TMCO4: variants seen among roughly 807,000 people sequenced by gnomAD.
TMCO4 encodes the protein transmembrane and coiled-coil domain-containing protein 4.
A neutral mutation model predicts 64.7 loss-of-function variants in TMCO4; 58 were observed. That is an observed-to-expected ratio of 0.90 (90% confidence interval 0.73 to 1.12). The LOEUF is 1.12. TMCO4 is among the 50% of genes most tolerant of loss of function. The probability of loss-of-function intolerance (pLI) is 0.00; values close to 1 mark genes in which losing one functional copy is unlikely to be tolerated. For synonymous variants in TMCO4, 325 were observed against 346.1 expected, an observed-to-expected ratio of 0.94 and a Z score of 0.68; for missense variants, 780 against 825.9, an observed-to-expected ratio of 0.94 and a Z score of 0.68.
intron 15 of TMCO4, among the ~76,000 whole-genome samples, chr1:19,685,343 C>CA: frequency 6.6e-6 from 1 of 151,698 alleles, no homozygotes; most frequent in Non-Finnish European, 1.5e-5. Flanking sequence ...AACAAACAGA[C>CA]AAAAAACATT....
At chr1:19,799,706 G>T (rs2044508220) in intron 1 of TMCO4, 149 bp downstream of exon 1, 1 of 152,294 alleles carries the variant, frequency 6.6e-6, no homozygotes, top group East Asian at 1.9e-4. Context: ...TTCCTGGTGG[G>T]TCCAGTGTCC....
intron 13 of TMCO4, among the ~76,000 whole-genome samples, chr1:19,702,635 A>G (rs980051820): frequency 7.9e-5 from 12 of 152,186 alleles, no homozygotes; most frequent in Non-Finnish European, 7.3e-5. Context: ...GTGCACACCT[A>G]TAGTCCCAGC....
intron 2 of TMCO4, among the ~76,000 whole-genome samples, chr1:19,794,850 G>A (rs1264512093): frequency 6.6e-6 from 1 of 152,162 alleles, no homozygotes; most frequent in East Asian, 1.9e-4. Context: ...GTTACAACAC[G>A]AATGAACCTT....
chr1:19,771,800 G>A (rs1172911875), intron 4 of TMCO4, among the ~76,000 whole-genome samples: 1 of 152,080 alleles, frequency 6.6e-6, no homozygotes, highest in African/African-American at 2.4e-5. Context: ...GGGACTATAG[G>A]TGCCCGCCAC....
At chr1:19,789,142 C>T (rs2043900353) in intron 2 of TMCO4, among the ~76,000 whole-genome samples, 1 of 151,888 alleles carries the variant, frequency 6.6e-6, no homozygotes, top group African/African-American at 2.4e-5. Context: ...TGGCTCACGC[C>T]TGTAATCCCA....
chr1:19,739,995 C>T (rs1449692336), intron 11 of TMCO4, 35 bp from the exon 12 acceptor site: 9 of 1,598,852 alleles, frequency 5.6e-6, no homozygotes, highest in African/African-American at 1.3e-5. Context: ...GGGAATGGCC[C>T]CTGTCCTAGG....
chr1:19,757,444 C>T (rs1570921143), intron 6 of TMCO4, among the ~76,000 whole-genome samples: 4 of 108,264 alleles, frequency 3.7e-5, no homozygotes, highest in Non-Finnish European at 2.3e-5. Flanking sequence ...TTGCATTAGG[C>T]CTATCTGGAA....
chr1:19,701,452 G>A (rs1231833452), intron 13 of TMCO4, among the ~76,000 whole-genome samples: 5 of 152,156 alleles, frequency 3.3e-5, no homozygotes, highest in East Asian at 1.9e-4. Context: ...GATTACAAGC[G>A]TGAGCCACCG....
chr1:19,728,508 A>C (rs1040489314), intron 13 of TMCO4, among the ~76,000 whole-genome samples: 3 of 152,224 alleles, frequency 2.0e-5, no homozygotes, highest in Non-Finnish European at 4.4e-5. Context: ...TCACCAGGTC[A>C]TCTCCTCTGA....
At chr1:19,700,493 C>T (rs966824529) in intron 14 of TMCO4, among the ~76,000 whole-genome samples, 6 of 152,174 alleles carry the variant, frequency 3.9e-5, no homozygotes, top group Non-Finnish European at 7.3e-5. Context: ...GGCCAAGCCG[C>T]CCCAGCCTCT....
chr1:19,736,907 TC>T (rs2095457356), intron 13 of TMCO4, among the ~76,000 whole-genome samples: 3 of 152,146 alleles, frequency 2.0e-5, no homozygotes, highest in Admixed American at 1.3e-4. Flanking sequence ...GGGCCCTAAA[TC>T]CAATGACTCT....
intron 6 of TMCO4, among the ~76,000 whole-genome samples, chr1:19,766,061 C>T (rs1557591490): frequency 6.6e-6 from 1 of 151,622 alleles, no homozygotes; most frequent in Non-Finnish European, 1.5e-5. Flanking sequence ...TACCAAGTGT[C>T]CACCATGCAT....
chr1:19,770,612 C>T (rs116282978), intron 5 of TMCO4, 43 bp from the exon 6 acceptor site: 798 of 1,585,356 alleles, frequency 5.0e-4, no homozygotes, highest in Non-Finnish European at 6.5e-4. Flanking sequence ...AGCTGATATA[C>T]GATACAGCGC....
At chr1:19,697,044 C>T (rs1012837681) in intron 14 of TMCO4, among the ~76,000 whole-genome samples, 7 of 152,154 alleles carry the variant, frequency 4.6e-5, no homozygotes, top group South Asian at 2.1e-4. Context: ...TCAGCATTGG[C>T]GGGAGCATTA....
At chr1:19,693,164 CAA>C (rs57031243) in intron 15 of TMCO4, among the ~76,000 whole-genome samples, 341 of 19,980 alleles carry the variant, frequency 0.017, 39 homozygotes, top group African/African-American at 0.044. Context: ...GACCCCATCT[CAA>C]AAAAAAAAAA....
At chr1:19,752,969 T>G (rs987669074) in intron 7 of TMCO4, among the ~76,000 whole-genome samples, 10 of 151,870 alleles carry the variant, frequency 6.6e-5, no homozygotes, top group African/African-American at 2.4e-4. Context: ...TTGTAATTTT[T>G]TTTTTTTGAG....
At chr1:19,749,716 T>C (rs1425281469) in intron 7 of TMCO4, among the ~76,000 whole-genome samples, 1 of 152,132 alleles carries the variant, frequency 6.6e-6, no homozygotes, top group Non-Finnish European at 1.5e-5. Context: ...TCATCTTCTT[T>C]CTCTATGCCC....
At chr1:19,730,810 A>T (rs948948240) in intron 13 of TMCO4, among the ~76,000 whole-genome samples, 5 of 152,194 alleles carry the variant, frequency 3.3e-5, no homozygotes, top group African/African-American at 1.2e-4. Flanking sequence ...TGGAAGGATT[A>T]TGTGCTCTGG....
intron 12 of TMCO4, chr1:19,738,421 G>A (rs2095465201): frequency 6.6e-6 from 1 of 152,270 alleles, no homozygotes; most frequent in Non-Finnish European, 1.5e-5. Context: ...ACTTAGCACA[G>A]GGCAAGGAAA....
Sources: allele counts gnomAD v4.1 joint callset (sites outside exome capture counted in the v4.1 genomes callset), GRCh38; gene constraint gnomAD v4.1.1; transcripts MANE v1.5; gene names NCBI Gene and HGNC (gene_info 2026-07-23, HGNC 2026-07-21).